The following LUC7L2 variants were observed in gnomAD, a reference collection of about 807,000 sequenced individuals.
The protein encoded by LUC7L2 is LUC7 like 2, pre-mRNA splicing factor, also known as putative RNA-binding protein Luc7-like 2.
Under a neutral mutation model 52.8 loss-of-function variants are expected in LUC7L2, and 25 were observed. The ratio of observed to expected loss-of-function variants is 0.47; its 90% confidence interval spans 0.34 to 0.66. LUC7L2 has a LOEUF of 0.66. LUC7L2 is among the 30% of genes least tolerant of loss of function. The probability of loss-of-function intolerance (pLI) is 0.01; values close to 1 mark genes in which losing one functional copy is unlikely to be tolerated. For missense variants in LUC7L2, 328 were observed against 497.8 expected (o/e 0.66, Z 3.25); for synonymous variants, 144 against 160.9 (o/e 0.89, Z 0.80).
At chr7:139,402,542 T>A (rs759222164) in intron 4 of LUC7L2, among the ~76,000 whole-genome samples, 3 of 152,178 alleles carry the variant, frequency 2.0e-5, no homozygotes, top group African/African-American at 4.8e-5. Flanking sequence ...TTTCTTTTTG[T>A]TTGAGACAGA....
intron 2 of LUC7L2, among the ~76,000 whole-genome samples, chr7:139,379,922 G>A (rs531193169): frequency 4.6e-5 from 7 of 151,998 alleles, no homozygotes; most frequent in African/African-American, 9.7e-5. Context: ...GGTGGTTCAC[G>A]CCTGTAATCC....
At chr7:139,358,613 A>G (rs1302008399), upstream of LUC7L2, among the ~76,000 whole-genome samples, 1 of 152,110 alleles carries the variant, frequency 6.6e-6, no homozygotes, top group Non-Finnish European at 1.5e-5. Flanking sequence ...GGTTTTATTA[A>G]CTCATTCATT....
intron 2 of LUC7L2, among the ~76,000 whole-genome samples, chr7:139,390,808 G>A (rs61645411): frequency 0.17 from 25,154 of 152,026 alleles, 2,171 homozygotes; most frequent in Middle Eastern, 0.28. Flanking sequence ...CGCCCGTCTC[G>A]GCCTCCCAAA....
chr7:139,401,387 G>A (rs964178346), intron 3 of LUC7L2, among the ~76,000 whole-genome samples: 23 of 152,096 alleles, frequency 1.5e-4, no homozygotes, highest in African/African-American at 4.3e-4. Context: ...TACAAAATTG[G>A]GATCTTACTG....
At chr7:139,372,303 T>G (rs2131205313) in intron 1 of LUC7L2, among the ~76,000 whole-genome samples, 1 of 152,256 alleles carries the variant, frequency 6.6e-6, no homozygotes, top group African/African-American at 2.4e-5. Context: ...ATGTAAGAAA[T>G]CAAATGTTAC....
intron 1 of LUC7L2, among the ~76,000 whole-genome samples, chr7:139,349,784 C>T (rs1048223309): frequency 6.6e-6 from 1 of 152,168 alleles, no homozygotes; most frequent in Non-Finnish European, 1.5e-5. Flanking sequence ...TATTCACTTG[C>T]TGTATTTTTG....
intron 1 of LUC7L2, among the ~76,000 whole-genome samples, chr7:139,373,700 A>G (rs572674282): frequency 3.9e-5 from 6 of 152,156 alleles, no homozygotes; most frequent in South Asian, 2.1e-4. Context: ...TCAGGGCACA[A>G]TAACTTAATA....
At chr7:139,394,002 G>C (rs918418746) in intron 2 of LUC7L2, among the ~76,000 whole-genome samples, 4 of 152,132 alleles carry the variant, frequency 2.6e-5, no homozygotes, top group Non-Finnish European at 5.9e-5. Flanking sequence ...AGTCAGGCTA[G>C]GCTATAAACT....
At chr7:139,386,581 C>T (rs1395314295) in intron 2 of LUC7L2, among the ~76,000 whole-genome samples, 8 of 128,250 alleles carry the variant, frequency 6.2e-5, no homozygotes, top group East Asian at 6.1e-4. Flanking sequence ...ATTTTTTTTT[C>T]GTATTTTTAG....
upstream of LUC7L2, among the ~76,000 whole-genome samples, chr7:139,357,778 G>T (rs963405775): frequency 6.7e-6 from 1 of 148,254 alleles, no homozygotes; most frequent in African/African-American, 2.5e-5. Context: ...TGCAACCTCC[G>T]CCTCTTGGGT....
At position 139,376,068 on chromosome 7, in the gene LUC7L2, C is replaced by A. The variant is rs547568435; in HGVS notation, c.68C>A (p.Thr23Lys). 1.2e-6 allele frequency: 2 copies of A among 1,613,552 alleles called. No individual in the cohort carries two copies. Among genetic ancestry groups the A allele is most frequent in the Non-Finnish European group, 1.7e-6 (2 of 1,179,846 alleles). Residue 23 changes from threonine (T) to lysine (K), a missense_variant, in exon 2 of 10, where the codon ACA (threonine) becomes AAA (lysine). Thr to Lys is a moderately conservative substitution (Grantham distance 78). Transcript: ENST00000354926. ...QLMGTSRDGD[T>K]TRQRIKFSDD... ...TAACTCTTCTATATTACAGGAGATA[C>A]AACTCGTCAACGAATCAAATTCAGT...
At chr7:139,397,964 C>T (rs945024087) in intron 2 of LUC7L2, among the ~76,000 whole-genome samples, 4 of 152,014 alleles carry the variant, frequency 2.6e-5, no homozygotes, top group African/African-American at 9.7e-5. Context: ...GAGTCTTGTC[C>T]CCAGACAAGA....
intron 1 of LUC7L2, among the ~76,000 whole-genome samples, chr7:139,353,029 CT>C (rs1467703921): frequency 6.6e-6 from 1 of 152,070 alleles, no homozygotes; most frequent in Non-Finnish European, 1.5e-5. Flanking sequence ...GAAACTCTGT[CT>C]TTACTAAAAA....
intron 4 of LUC7L2, among the ~76,000 whole-genome samples, chr7:139,404,130 A>G (rs1381487960): frequency 6.6e-6 from 1 of 152,214 alleles, no homozygotes; most frequent in African/African-American, 2.4e-5. Context: ...GAGGGAAGAA[A>G]TATTTTGGGT....
intron 2 of LUC7L2, among the ~76,000 whole-genome samples, chr7:139,389,074 G>C (rs541563336): frequency 2.7e-5 from 4 of 145,624 alleles, no homozygotes; most frequent in Admixed American, 6.8e-5. Flanking sequence ...TTAATTCTTC[G>C]GCACTCTGGT....
At chr7:139,356,443 A>G (rs902727730), upstream of LUC7L2, among the ~76,000 whole-genome samples, 2 of 152,028 alleles carry the variant, frequency 1.3e-5, no homozygotes, top group Non-Finnish European at 2.9e-5. Context: ...CGTTCCCCCA[A>G]CTAGCCGACC....
intron 3 of LUC7L2, among the ~76,000 whole-genome samples, chr7:139,399,181 C>G (rs572584878): frequency 6.6e-6 from 1 of 152,128 alleles, no homozygotes; most frequent in East Asian, 1.9e-4. Context: ...ATTGTTGCAT[C>G]CGTACTGAAC....
At chr7:139,351,059 C>A (rs1799444988) in intron 1 of LUC7L2, among the ~76,000 whole-genome samples, 1 of 152,106 alleles carries the variant, frequency 6.6e-6, no homozygotes, top group African/African-American at 2.4e-5. Context: ...TCCTCAGGGT[C>A]CAGACCAAGG....
intron 1 of LUC7L2, among the ~76,000 whole-genome samples, chr7:139,369,051 G>A (rs1800310970): frequency 6.6e-6 from 1 of 151,788 alleles, no homozygotes; most frequent in East Asian, 1.9e-4. Context: ...GGCTTCTGTA[G>A]CTATCACCAG....
Sources: allele counts gnomAD v4.1 joint callset (sites outside exome capture counted in the v4.1 genomes callset), GRCh38; gene constraint gnomAD v4.1.1; transcripts MANE v1.5; gene names NCBI Gene and HGNC (gene_info 2026-07-23, HGNC 2026-07-21).